Variants in C12orf75 observed in about 807,000 individuals in gnomAD.
C12orf75 encodes chromosome 12 open reading frame 75.
In C12orf75, 4 loss-of-function variants were observed where a neutral mutation model predicts 11.4. The observed-to-expected ratio is 0.35, with a 90% CI of 0.17 to 0.80. The LOEUF (loss-of-function observed/expected upper bound fraction) is 0.80, where lower values mean the gene tolerates loss of function less well. C12orf75 is among the 30% of genes least tolerant of loss of function. C12orf75 has a pLI of 0.52. For missense variants in C12orf75, 89 were observed against 80.4 expected, an observed-to-expected ratio of 1.11 and a Z score of -0.41; for synonymous variants, 30 against 30.0, an observed-to-expected ratio of 1.00 and a Z score of 0.00.
intron 1 of C12orf75, among the ~76,000 whole-genome samples, chr12:105,347,570 G>T (rs1330204018): frequency 6.6e-6 from 1 of 152,222 alleles, no homozygotes; most frequent in Non-Finnish European, 1.5e-5. Flanking sequence ...CAGCAAGTCT[G>T]CTCTTTCCAC....
chr12:105,353,948 A>G (rs1372972395), intron 2 of C12orf75, among the ~76,000 whole-genome samples: 2 of 152,280 alleles, frequency 1.3e-5, no homozygotes, highest in Non-Finnish European at 2.9e-5. Context: ...CCCATTGGCA[A>G]TTTGTTTTTG....
intron 1 of C12orf75, among the ~76,000 whole-genome samples, chr12:105,345,715 G>A (rs1892631791): frequency 7.7e-6 from 1 of 129,632 alleles, no homozygotes; most frequent in Admixed American, 8.7e-5. Flanking sequence ...AGGCTGGAGT[G>A]CAGTGGTGCA....
intron 2 of C12orf75, among the ~76,000 whole-genome samples, chr12:105,352,570 G>C (rs2136146615): frequency 6.6e-6 from 1 of 152,080 alleles, no homozygotes; most frequent in East Asian, 1.9e-4. Context: ...GCCCAGTTGT[G>C]AGTATGGTTG....
chr12:105,368,980 A>G (rs977433971), intron 5 of C12orf75, among the ~76,000 whole-genome samples: 1 of 152,254 alleles, frequency 6.6e-6, no homozygotes, highest in African/African-American at 2.4e-5. Flanking sequence ...CCTGTGCAGA[A>G]GTACTTTTAT....
chr12:105,357,066 AC>A (rs1892792466), intron 2 of C12orf75, among the ~76,000 whole-genome samples: 3 of 152,168 alleles, frequency 2.0e-5, no homozygotes, highest in African/African-American at 7.2e-5. Context: ...ACCTTCCAGA[AC>A]CCCGACCTAC....
chr12:105,349,292 C>T (rs1413908930), intron 2 of C12orf75, among the ~76,000 whole-genome samples: 1 of 152,192 alleles, frequency 6.6e-6, no homozygotes, highest in South Asian at 2.1e-4. Context: ...GTGGGATCAA[C>T]TCTCCCACCC....
At chr12:105,333,304 A>C (rs1892459665) in intron 1 of C12orf75, among the ~76,000 whole-genome samples, 1 of 152,242 alleles carries the variant, frequency 6.6e-6, no homozygotes, top group Non-Finnish European at 1.5e-5. Context: ...GAGAGATGTA[A>C]AGAAAAATAA....
At chr12:105,358,966 G>A (rs1217833687) in intron 2 of C12orf75, among the ~76,000 whole-genome samples, 1 of 152,144 alleles carries the variant, frequency 6.6e-6, no homozygotes, top group African/African-American at 2.4e-5. Context: ...CCCTTCCCTT[G>A]GGTCTTCCTT....
At chr12:105,338,304 A>G (rs982443666) in intron 1 of C12orf75, among the ~76,000 whole-genome samples, 4 of 152,092 alleles carry the variant, frequency 2.6e-5, no homozygotes, top group Non-Finnish European at 1.5e-5. Flanking sequence ...CCTCCCGAGT[A>G]GCTGGGATTA....
intron 1 of C12orf75, among the ~76,000 whole-genome samples, chr12:105,342,186 T>C (rs1181529859): frequency 6.6e-6 from 1 of 152,244 alleles, no homozygotes; most frequent in Non-Finnish European, 1.5e-5. Context: ...TGCAGTAGTG[T>C]TGGGAGGTGG....
intron 1 of C12orf75, among the ~76,000 whole-genome samples, chr12:105,336,126 TC>T (rs1381426019): frequency 6.6e-6 from 1 of 152,188 alleles, no homozygotes; most frequent in African/African-American, 2.4e-5. Context: ...CTGTAGGAAG[TC>T]CTAGAGACAG....
At chr12:105,338,389 G>C (rs1326165565) in intron 1 of C12orf75, among the ~76,000 whole-genome samples, 1 of 152,120 alleles carries the variant, frequency 6.6e-6, no homozygotes, top group Non-Finnish European at 1.5e-5. Context: ...GGCCAAGCTG[G>C]TCACAAATTC....
chr12:105,367,250 G>A (rs1871502435), intron 4 of C12orf75, among the ~76,000 whole-genome samples: 1 of 152,146 alleles, frequency 6.6e-6, no homozygotes. Context: ...ACAATGTATT[G>A]TCTGATGTAT....
intron 2 of C12orf75, among the ~76,000 whole-genome samples, chr12:105,356,855 T>C (rs1361030178): frequency 6.6e-6 from 1 of 152,220 alleles, no homozygotes; most frequent in Non-Finnish European, 1.5e-5. Flanking sequence ...TTGAATAAGG[T>C]TTCACTTAAT....
chr12:105,336,610 G>T (rs1892502413), intron 1 of C12orf75, among the ~76,000 whole-genome samples: 1 of 152,228 alleles, frequency 6.6e-6, no homozygotes, highest in African/African-American at 2.4e-5. Flanking sequence ...GCTCAGAGAA[G>T]TGCTGAGGGC....
chr12:105,346,316 G>A (rs1158406688), intron 1 of C12orf75, among the ~76,000 whole-genome samples: 2 of 152,134 alleles, frequency 1.3e-5, no homozygotes, highest in East Asian at 3.9e-4. Flanking sequence ...TGTATCACAG[G>A]CATTCCTTAA....
At chr12:105,359,420 G>A (rs972064775) in intron 2 of C12orf75, among the ~76,000 whole-genome samples, 3 of 152,048 alleles carry the variant, frequency 2.0e-5, no homozygotes, top group Admixed American at 6.5e-5. Flanking sequence ...GCTTGTGGGC[G>A]TCTGGGCATT....
At chr12:105,340,322 C>A (rs574970294) in intron 1 of C12orf75, among the ~76,000 whole-genome samples, 1 of 151,044 alleles carries the variant, frequency 6.6e-6, no homozygotes, top group Non-Finnish European at 1.5e-5. Flanking sequence ...CTACTTGGGA[C>A]GCTGAGGCAG....
chr12:105,351,112 T>C (rs185219688), intron 2 of C12orf75, among the ~76,000 whole-genome samples: 1 of 152,338 alleles, frequency 6.6e-6, no homozygotes, highest in African/African-American at 2.4e-5. Flanking sequence ...GCACGTTCAA[T>C]TTTTTAAGTG....
Sources: gnomAD v4.1 joint callset for allele counts (sites outside exome capture counted in the v4.1 genomes callset) on GRCh38, gnomAD v4.1.1 for gene constraint, MANE v1.5 for transcripts, NCBI Gene and HGNC (gene_info 2026-07-23, HGNC 2026-07-21) for gene names.